MAPKBP1: variants seen among roughly 807,000 people sequenced by gnomAD.
The protein encoded by MAPKBP1 is mitogen-activated protein kinase-binding protein 1.
MAPKBP1 carries 71 observed loss-of-function variants against 170.5 expected under a neutral mutation model. The ratio of observed to expected loss-of-function variants is 0.42; its 90% CI spans 0.34 to 0.51. The LOEUF is 0.51. MAPKBP1 is among the 20% of genes least tolerant of loss of function. MAPKBP1 has a pLI of 0.06. For missense variants in MAPKBP1, 1,598 were observed against 1,933.0 expected (o/e 0.83, Z 3.25); for synonymous variants, 719 against 757.9 (o/e 0.95, Z 0.84).
chr15:41,786,777 AATATAT>A lies in MAPKBP1; in HGVS notation c.114+11410_114+11415del, dbSNP rs1180590172. Among the ~76,000 whole-genome samples the A allele has an allele frequency of 1.6e-3, 52 of 32,446 alleles. 3 individuals carry two copies. Among genetic ancestry groups the A allele is most frequent in the African/African-American group, 3.5e-3 (27 of 7,628 alleles). 21.3% of individuals were successfully genotyped at this position (32,446 alleles called of 152,430 possible). ...CAGACTCCGTCTAAAAAAAAAAAAA[AATATAT>A]ATATATATATATATATATATAGGTA... On this transcript the variant is annotated intron_variant, in intron 2 of 30. Transcript: ENST00000457542.
chr15:41,805,404 AGCCCCTGTGCCCCTGT>A lies in MAPKBP1; in HGVS notation c.207-5466_207-5451del, dbSNP rs535520878. On this transcript the variant is annotated intron_variant, in intron 3 of 30. Coordinates refer to ENST00000457542, the MANE Select transcript of MAPKBP1 (RefSeq NM_014994.3). The stretch of plus-strand genomic sequence containing the variant: ...GTTGATGGGCCTTCAAGCCCAGCAC[AGCCCCTGTGCCCCTGT>A]GCCCCTGTGCCCAGTCCTGAGAATG... 4.6e-5 allele frequency among the ~76,000 whole-genome samples: 7 copies of A among 152,322 alleles called. No homozygotes were observed. In the South Asian group the frequency reaches 1.5e-3, roughly 32 times the overall value.
chr15:41,791,682 G>C (rs1176619866), intron 2 of MAPKBP1, among the ~76,000 whole-genome samples: 1 of 152,166 alleles, frequency 6.6e-6, no homozygotes, highest in Non-Finnish European at 1.5e-5. Context: ...CTGGACTCTG[G>C]AGAGTTCTGT....
At chr15:41,796,793 C>T (rs971270795) in intron 2 of MAPKBP1, among the ~76,000 whole-genome samples, 1 of 152,104 alleles carries the variant, frequency 6.6e-6, no homozygotes, top group Admixed American at 6.5e-5. Context: ...GTGATCAGAG[C>T]CTGTCTCCCA....
chr15:41,786,216 C>G (rs1483031686), intron 2 of MAPKBP1, among the ~76,000 whole-genome samples: 1 of 151,590 alleles, frequency 6.6e-6, no homozygotes, highest in East Asian at 1.9e-4. Context: ...CTATAAATAC[C>G]AAACTTGTTA....
At chr15:41,819,555 G>GGGT (rs1555454090) in intron 21 of MAPKBP1, 40 bp from the exon 22 acceptor site, 4 of 1,481,940 alleles carry the variant, frequency 2.7e-6, no homozygotes, top group South Asian at 1.2e-5. Context: ...GGCGGGGGGG[G>GGGT]GGCAGGAGAC....
Position 41,812,597 on chromosome 15 carries a change from A to G in MAPKBP1, c.580A>G (p.Thr194Ala). The G allele has an allele frequency of 6.2e-7, 1 of 1,613,974 alleles. No homozygotes were observed. The highest frequency in any genetic ancestry group is 1.1e-5 in the South Asian group (1 of 91,070). The part of the protein sequence containing the change: ...SFSEDCSYFV[T>A]AGNRHIKFWY... The stretch of plus-strand genomic sequence containing the variant: ...CTCTGAGGATTGCAGCTACTTTGTC[A>G]CTGCAGGCAACCGACACATCAAATT... Residue 194 changes from threonine (T) to alanine (A), a missense_variant, in exon 7 of 31, where the codon ACT (threonine) becomes GCT (alanine). Around this residue, in one of 6 missense-constraint regions of MAPKBP1, gnomAD observed 430 missense variants for 617.2 expected, o/e 0.70. Transcript: ENST00000457542.
At chr15:41,777,198 G>A (rs753630248) in intron 2 of MAPKBP1, among the ~76,000 whole-genome samples, 2 of 151,988 alleles carry the variant, frequency 1.3e-5, no homozygotes, top group Non-Finnish European at 2.9e-5. Context: ...AAAATTAGCC[G>A]GGCGTGGTGG....
Position 41,817,149 on chromosome 15 carries a change from G to A in MAPKBP1, c.1711+114G>A. On this transcript the variant is annotated intron_variant, in intron 14 of 30. Transcript: ENST00000457542. The surrounding 1 kb of genome is among the most constrained non-coding windows in gnomAD (Gnocchi z 4.2). The stretch of plus-strand genomic sequence containing the variant: ...TGGGGGAGTGTTGGACAGCAGCTGG[G>A]AGGCCTGGAGCTGGTTGGGAAGATA... The A allele has an allele frequency of 1.4e-6, 2 of 1,478,772 alleles. No homozygotes were observed. Among genetic ancestry groups the A allele is most frequent in the Non-Finnish European group, 1.8e-6 (2 of 1,103,844 alleles). 91.6% of individuals were successfully genotyped at this position (1,478,772 alleles called of 1,614,324 possible).
chr15:41,820,087 C>T (rs905143247), intron 22 of MAPKBP1, among the ~76,000 whole-genome samples: 4 of 152,136 alleles, frequency 2.6e-5, no homozygotes, highest in African/African-American at 9.7e-5. Context: ...AGGAGGTAAG[C>T]GGAGAACTTC....
intron 22 of MAPKBP1, among the ~76,000 whole-genome samples, chr15:41,820,311 G>C (rs971792705): frequency 6.6e-6 from 1 of 152,182 alleles, no homozygotes; most frequent in Non-Finnish European, 1.5e-5. Context: ...TTTGTCCTTG[G>C]TGCTGTGAGG....
In MAPKBP1 at chr15:41,821,625, C is replaced by A. The variant is rs761098056; in HGVS notation, c.2760C>A (p.Ser920=). The change falls in exon 24 of 31, where the codon TCC becomes TCA. Residue 920 remains serine, a synonymous_variant. Transcript: ENST00000457542. ...GGCCTCAGGCTTCCCAACCTTGTTC[C>A]TATCCCCATATTATCCGATTATTGT... ...PPRPQASQPC[S]YPHIIRLLSQ... is the part of the protein sequence containing the mutation. 2 of 1,614,084 alleles carry A rather than the reference C, an allele frequency of 1.2e-6. No individual in the cohort carries two copies. The highest frequency in any genetic ancestry group is 8.5e-7 in the Non-Finnish European group (1 of 1,179,992).
intron 2 of MAPKBP1, among the ~76,000 whole-genome samples, chr15:41,795,259 C>G (rs922511972): frequency 1.4e-4 from 21 of 152,026 alleles, no homozygotes; most frequent in Non-Finnish European, 2.5e-4. Context: ...GGAAGGCCCT[C>G]TCTGAGGAAG....
chr15:41,812,831 G>A (rs1488828575), intron 7 of MAPKBP1, 88 bp from the exon 8 acceptor site: 1 of 1,484,468 alleles, frequency 6.7e-7, no homozygotes, highest in Non-Finnish European at 9.0e-7. Flanking sequence ...AGGAGGTGCT[G>A]GAGGCGTCCC....
At chr15:41,802,146 G>T (rs1346959654) in intron 3 of MAPKBP1, among the ~76,000 whole-genome samples, 1 of 152,112 alleles carries the variant, frequency 6.6e-6, no homozygotes, top group East Asian at 1.9e-4. Context: ...AAAAAGTATG[G>T]TTAAAATATC....
rs34394712 is a variant in MAPKBP1, at chr15:41,809,073, C to CAAA, written c.207-1795_207-1793dup. On this transcript the variant is annotated intron_variant, in intron 3 of 30. Coordinates refer to ENST00000457542, the MANE Select transcript of MAPKBP1 (RefSeq NM_014994.3). ...TGGGTGACAGAGCGAGACCCTGCCT[C>CAAA]AAAAAAAAAAAAAAAAATGAAGGAA... 1.6e-3 allele frequency among the ~76,000 whole-genome samples: 178 copies of CAAA among 113,904 alleles called. 3 individuals are homozygous for CAAA. The highest frequency in any genetic ancestry group is 4.5e-3 in the Middle Eastern group (1 of 222). 74.7% of individuals were successfully genotyped at this position (113,904 alleles called of 152,430 possible). A position where few individuals can be genotyped will look rare whatever the true frequency, so the allele number is the denominator to read the frequency against.
chr15:41,811,069 GC>G, intron 4 of MAPKBP1, 108 bp from the exon 5 acceptor site: 1 of 1,520,000 alleles, frequency 6.6e-7, no homozygotes, highest in South Asian at 1.1e-5. Flanking sequence ...ATGGGGAAGT[GC>G]CACATGTGCC....
intron 9 of MAPKBP1, 115 bp downstream of exon 9, chr15:41,813,896 A>G (rs1177574674): frequency 2.4e-6 from 3 of 1,233,456 alleles, no homozygotes; most frequent in African/African-American, 1.5e-5. Context: ...GATTATTGGG[A>G]ACACCTCTTT....
intron 8 of MAPKBP1, chr15:41,813,356 T>C (rs903654213): frequency 6.6e-7 from 1 of 1,525,840 alleles, no homozygotes; most frequent in East Asian, 2.3e-5. Context: ...CAGTAAGTGG[T>C]GCCTGCACCT....
intron 3 of MAPKBP1, 144 bp from the exon 4 acceptor site, chr15:41,810,739 A>T: frequency 1.8e-6 from 1 of 543,836 alleles, no homozygotes; most frequent in South Asian, 2.6e-5. Context: ...AAAAAAAAAA[A>T]GAAAAGGAAA....
Sources: gnomAD v4.1 joint callset for allele counts (sites outside exome capture counted in the v4.1 genomes callset) on GRCh38, gnomAD v4.1.1 for gene constraint, gnomAD v4.1.1 regional missense constraint, Gnocchi (gnomAD v3.1) non-coding constraint, MANE v1.5 for transcripts, NCBI Gene and HGNC (gene_info 2026-07-23, HGNC 2026-07-21) for gene names.